TMPRSS15: variants seen among roughly 807,000 people sequenced by gnomAD.
The protein encoded by TMPRSS15 is transmembrane serine protease 15.
A neutral mutation model predicts 125.3 loss-of-function variants in TMPRSS15; 128 were observed. The observed-to-expected ratio is 1.02, with a 90% CI of 0.89 to 1.18. The LOEUF is 1.18. TMPRSS15 is among the 50% of genes most tolerant of loss of function. The pLI is 0.00. For missense variants in TMPRSS15, 1,283 were observed against 1,212.7 expected, an observed-to-expected ratio of 1.06 and a Z score of -0.86; for synonymous variants, 446 against 423.2, an observed-to-expected ratio of 1.05 and a Z score of -0.66.
At chr21:18,369,249 G>A (rs1476350622) in intron 6 of TMPRSS15, among the ~76,000 whole-genome samples, 1 of 152,148 alleles carries the variant, frequency 6.6e-6, no homozygotes, top group African/African-American at 2.4e-5. Context: ...TTCACTAATT[G>A]TGTCTTTGCT....
At chr21:18,460,716 A>T (rs1456191956) in intron 1 of TMPRSS15, 2 of 152,198 alleles carry the variant, frequency 1.3e-5, no homozygotes, top group Non-Finnish European at 2.9e-5. Flanking sequence ...CTATTGTTCT[A>T]TTCAGTCACC....
At chr21:18,391,801 C>A (rs2075993138) in intron 3 of TMPRSS15, among the ~76,000 whole-genome samples, 1 of 152,248 alleles carries the variant, frequency 6.6e-6, no homozygotes, top group Admixed American at 6.5e-5. Flanking sequence ...TCTGCCCCTG[C>A]AGCAGACTTC....
intron 3 of TMPRSS15, among the ~76,000 whole-genome samples, chr21:18,396,814 C>CTATCTATCTATG (rs1455526519): frequency 1.4e-5 from 2 of 142,686 alleles, no homozygotes; most frequent in Non-Finnish European, 3.0e-5. Context: ...GTCTGTCTAT[C>CTATCTATCTATG]TATCTATCTA....
chr21:18,358,080 A>T (rs2075643130), intron 8 of TMPRSS15, among the ~76,000 whole-genome samples: 1 of 151,770 alleles, frequency 6.6e-6, no homozygotes, highest in African/African-American at 2.4e-5. Flanking sequence ...TTTTTATGGC[A>T]ATTAATTGCA....
intron 23 of TMPRSS15, among the ~76,000 whole-genome samples, chr21:18,278,381 T>A (rs746918533): frequency 2.6e-5 from 4 of 152,158 alleles, no homozygotes; most frequent in East Asian, 1.9e-4. Flanking sequence ...AAGAATATAG[T>A]TTTATAATAT....
chr21:18,337,187 C>A (rs1417327568), intron 13 of TMPRSS15, among the ~76,000 whole-genome samples: 1 of 152,162 alleles, frequency 6.6e-6, no homozygotes, highest in African/African-American at 2.4e-5. Context: ...AGGTACTGCA[C>A]CCGGCCATGC....
At chr21:18,348,340 C>A (rs1284299007) in intron 10 of TMPRSS15, among the ~76,000 whole-genome samples, 1 of 152,172 alleles carries the variant, frequency 6.6e-6, no homozygotes, top group East Asian at 1.9e-4. Context: ...CTCCACCCAA[C>A]ATCCTAATTA....
intron 21 of TMPRSS15, among the ~76,000 whole-genome samples, chr21:18,283,402 A>C (rs776481734): frequency 6.6e-6 from 1 of 152,122 alleles, no homozygotes; most frequent in Non-Finnish European, 1.5e-5. Flanking sequence ...ACATTCACTC[A>C]ATATTTACAA....
chr21:18,347,744 A>G (rs2075524158), intron 10 of TMPRSS15, among the ~76,000 whole-genome samples: 1 of 152,128 alleles, frequency 6.6e-6, no homozygotes, highest in Non-Finnish European at 1.5e-5. Flanking sequence ...ACCACATGGG[A>G]ATTTATATGG....
chr21:18,300,705 G>A (rs1489494101), intron 18 of TMPRSS15, among the ~76,000 whole-genome samples: 1 of 152,120 alleles, frequency 6.6e-6, no homozygotes, highest in Non-Finnish European at 1.5e-5. Flanking sequence ...AATTGAACAA[G>A]TATTTAAAAA....
At chr21:18,368,423 G>T (rs1250857179) in intron 6 of TMPRSS15, among the ~76,000 whole-genome samples, 1 of 152,166 alleles carries the variant, frequency 6.6e-6, no homozygotes, top group Non-Finnish European at 1.5e-5. Flanking sequence ...GATTGTAAAA[G>T]TCACTGTGTC....
At chr21:18,288,315 C>T (rs1253853379) in intron 21 of TMPRSS15, among the ~76,000 whole-genome samples, 2 of 151,884 alleles carry the variant, frequency 1.3e-5, no homozygotes, top group Non-Finnish European at 2.9e-5. Context: ...AATGATAGAT[C>T]AGAGAGAGTT....
intron 18 of TMPRSS15, among the ~76,000 whole-genome samples, chr21:18,312,379 A>G (rs1375320414): frequency 1.3e-5 from 2 of 151,740 alleles, no homozygotes; most frequent in African/African-American, 2.4e-5. Context: ...TACTTGCATC[A>G]TCCTTGCTGA....
chr21:18,432,500 G>C (rs2123213893), intron 1 of TMPRSS15, among the ~76,000 whole-genome samples: 1 of 152,248 alleles, frequency 6.6e-6, no homozygotes, highest in Middle Eastern at 3.4e-3. Flanking sequence ...GGACATAATG[G>C]AGTAGGGTGG....
upstream of TMPRSS15, among the ~76,000 whole-genome samples, chr21:18,404,913 T>C (rs1282111370): frequency 6.6e-6 from 1 of 152,042 alleles, no homozygotes; most frequent in Non-Finnish European, 1.5e-5. Context: ...GACTTAAATA[T>C]ATATATGAAA....
chr21:18,301,101 T>G lies in TMPRSS15; in HGVS notation c.2166-3272A>C, dbSNP rs563969759. On this transcript the variant is annotated intron_variant, in intron 18 of 24. Transcript: ENST00000284885. ...GTTGAACAAAATACTCCTTCAAAAA[T>G]AGTTACAAAATTATCACATAATTAC... 1.1e-3 allele frequency among the ~76,000 whole-genome samples: 173 copies of G among 152,330 alleles called. 1 individual carries two copies. The highest frequency in any genetic ancestry group is 4.0e-3 in the African/African-American group (167 of 41,580).
intron 1 of TMPRSS15, among the ~76,000 whole-genome samples, chr21:18,442,752 A>C (rs2076245306): frequency 1.3e-5 from 2 of 152,224 alleles, no homozygotes; most frequent in South Asian, 4.1e-4. Context: ...CCAAGCTTAG[A>C]TAAAATATTT....
At chr21:18,362,453 T>C (rs1456449443) in intron 7 of TMPRSS15, among the ~76,000 whole-genome samples, 2 of 152,114 alleles carry the variant, frequency 1.3e-5, no homozygotes, top group Non-Finnish European at 2.9e-5. Flanking sequence ...TTTTCCAAAA[T>C]AGATATTTGG....
intron 15 of TMPRSS15, 132 bp downstream of exon 15, chr21:18,329,037 C>A: frequency 1.0e-6 from 1 of 993,598 alleles, no homozygotes; most frequent in Non-Finnish European, 1.5e-6. Context: ...CACATAAACT[C>A]ATGTCACTTT....
Sources: allele counts gnomAD v4.1 joint callset (sites outside exome capture counted in the v4.1 genomes callset), GRCh38; gene constraint gnomAD v4.1.1; transcripts MANE v1.5; gene names NCBI Gene and HGNC (gene_info 2026-07-23, HGNC 2026-07-21).